UGT2B10: variants seen among roughly 807,000 people sequenced by gnomAD.
The protein encoded by UGT2B10 is UDP-glucuronosyltransferase 2B10.
A neutral mutation model predicts 43.7 loss-of-function variants in UGT2B10; 51 were observed. That is an observed-to-expected ratio of 1.17 (90% CI 0.93 to 1.47). The LOEUF (loss-of-function observed/expected upper bound fraction) is 1.47, where lower values mean the gene tolerates loss of function less well. Ranked by LOEUF, UGT2B10 falls within the 40% of genes most tolerant of loss-of-function variation. The pLI is 0.00. For synonymous variants in UGT2B10, 225 were observed against 209.0 expected (o/e 1.08, Z -0.66); for missense variants, 696 against 617.7 (o/e 1.13, Z -1.34).
In UGT2B10 at chr4:68,822,399, A is replaced by G. The variant is rs782385045; in HGVS notation, c.996A>G (p.Gln332=). The change falls in exon 3 of 6, where the codon CAA becomes CAG. Residue 332 remains glutamine, a synonymous_variant. Coordinates refer to ENST00000265403, the MANE Select transcript of UGT2B10 (RefSeq NM_001075.6). ...VIATALAKIP[Q]KVLWRFDGNK... is the part of the protein sequence containing the mutation. ...CAACAGCCCTTGCCAAGATCCCACA[A>G]AAGGTAAGATAAAGTGCCTTACTGG... The G allele has an allele frequency of 2.5e-6, 4 of 1,613,614 alleles. No individual in the cohort carries two copies. The highest frequency in any genetic ancestry group is 1.1e-5 in the South Asian group (1 of 91,060).
intron 3 of UGT2B10, among the ~76,000 whole-genome samples, 154 bp downstream of exon 3, chr4:68,822,556 T>C (rs1434368985): frequency 6.6e-6 from 1 of 152,108 alleles, no homozygotes. Context: ...ACAGAAGTAA[T>C]AGTTGTGCCT....
intron 3 of UGT2B10, among the ~76,000 whole-genome samples, chr4:68,826,156 T>A (rs578037762): frequency 6.6e-6 from 1 of 152,224 alleles, no homozygotes; most frequent in Non-Finnish European, 1.5e-5. Flanking sequence ...AGTATAAAAA[T>A]TTTCTAAATA....
At chr4:68,819,522 T>G (rs1356316474) in intron 2 of UGT2B10, among the ~76,000 whole-genome samples, 2 of 152,028 alleles carry the variant, frequency 1.3e-5, no homozygotes, top group African/African-American at 4.8e-5. Flanking sequence ...AGGGTTCACA[T>G]GATTTTAATA....
intron 3 of UGT2B10, 56 bp downstream of exon 3, chr4:68,822,458 T>A: frequency 6.2e-7 from 1 of 1,607,530 alleles, no homozygotes; most frequent in Admixed American, 1.7e-5. Flanking sequence ...TGTTAAAGTT[T>A]GTGATCTACA....
intron 5 of UGT2B10, among the ~76,000 whole-genome samples, chr4:68,829,777 TC>T (rs1244869075): frequency 6.6e-6 from 1 of 152,036 alleles, no homozygotes; most frequent in African/African-American, 2.4e-5. Flanking sequence ...AGTAGGCCAA[TC>T]TAGAAGACAG....
At chr4:68,825,705 T>C (rs761874628) in intron 3 of UGT2B10, among the ~76,000 whole-genome samples, 17 of 152,114 alleles carry the variant, frequency 1.1e-4, no homozygotes, top group South Asian at 2.1e-4. Context: ...TTCTGTAGTG[T>C]ATATATACCA....
rs569450157 is a variant in UGT2B10, at chr4:68,830,607, G to A, written c.1315G>A (p.Glu439Lys). ...TTTATTTTTATCCTTCAGATATAAA[G>A]AGAATATTATGAAATTATCAAGAAT... ...KTVINDPSYKENIMKLSRIQH... is the reference protein window; with the variant it reads ...KTVINDPSYKKNIMKLSRIQH... The change falls in exon 6 of 6, where the codon GAG (glutamate) becomes AAG (lysine). Residue 439 changes from glutamate to lysine, a missense_variant. By Grantham distance (56) the Glu-to-Lys change is moderately conservative (BLOSUM62 1). Coordinates refer to ENST00000265403, the MANE Select transcript of UGT2B10 (RefSeq NM_001075.6). 1.2e-6 allele frequency: 2 copies of A among 1,611,584 alleles called. No individual in the cohort carries two copies. Among genetic ancestry groups the A allele is most frequent in the African/African-American group, 1.3e-5 (1 of 74,840 alleles).
At chr4:68,826,376 C>T in intron 3 of UGT2B10, 34 bp from the exon 4 acceptor site, 1 of 1,590,826 alleles carries the variant, frequency 6.3e-7, no homozygotes, top group Non-Finnish European at 8.5e-7. Context: ...TTGAGTTCCA[C>T]TCGTGGAATA....
At position 68,816,375 on chromosome 4, in the gene UGT2B10, A is replaced by T. The variant is rs781580890; in HGVS notation, c.356A>T (p.Asn119Ile). Reference protein sequence around the residue: ...SQEQEILWAINDIIRNFCKDV... With the variant: ...SQEQEILWAIIDIIRNFCKDV... ...GAACAAGAAATCCTGTGGGCAATTA[A>T]TGACATAATTAGAAACTTCTGTAAA... The change falls in exon 1 of 6, where the codon AAT (asparagine) becomes ATT (isoleucine). Residue 119 changes from asparagine (N) to isoleucine (I), a missense_variant. By Grantham distance (149) the Asn-to-Ile change is moderately radical. Coordinates refer to ENST00000265403, the MANE Select transcript of UGT2B10 (RefSeq NM_001075.6). 4 of 1,612,776 alleles carry T rather than the reference A, an allele frequency of 2.5e-6. No individual in the cohort carries two copies. The highest frequency in any genetic ancestry group is 2.2e-5 in the South Asian group (2 of 91,048).
Position 68,830,654 on chromosome 4 carries a change from G to A in UGT2B10, c.1362G>A (p.Lys454=). The A allele has an allele frequency of 6.2e-7, 1 of 1,613,176 alleles. No individual in the cohort carries two copies. Among genetic ancestry groups the A allele is most frequent in the African/African-American group, 1.3e-5 (1 of 74,972 alleles). ...GAATTCAACATGATCAACCAGTGAAGCCCCTGGATCGAGCAGTCTTCTGGA... is the reference window on the plus strand; with the variant it reads ...GAATTCAACATGATCAACCAGTGAAACCCCTGGATCGAGCAGTCTTCTGGA... ...LSRIQHDQPV[K]PLDRAVFWIE... Residue 454 remains lysine, a synonymous_variant, in exon 6 of 6, where the codon AAG becomes AAA. Transcript: ENST00000265403.
rs761246132 is a variant in UGT2B10, at chr4:68,830,758, C to T, written c.1466C>T (p.Ser489Phe). The change falls in exon 6 of 6, where the codon TCT (serine) becomes TTT (phenylalanine). Residue 489 changes from serine to phenylalanine, a missense_variant. By Grantham distance (155) the Ser-to-Phe change is radical (BLOSUM62 -2). Transcript: ENST00000265403. ...AACCTCACCTGGTTCCAGTACCACT[C>T]TTTGGATGTGATTGGGTTCCTGCTG... ...AHNLTWFQYH[S>F]LDVIGFLLAC... is the part of the protein sequence containing the mutation. 2.5e-6 allele frequency: 4 copies of T among 1,613,404 alleles called. No homozygotes were observed. Among genetic ancestry groups the T allele is most frequent in the Non-Finnish European group, 3.4e-6 (4 of 1,179,560 alleles).
chr4:68,818,788 C>T (rs1309728016), intron 2 of UGT2B10, among the ~76,000 whole-genome samples: 1 of 151,606 alleles, frequency 6.6e-6, no homozygotes, highest in Non-Finnish European at 1.5e-5. Context: ...GTTCTCAAGT[C>T]CTCAGGTTTA....
chr4:68,816,972 A>G (rs7685333), intron 1 of UGT2B10, among the ~76,000 whole-genome samples: 10,363 of 151,874 alleles, frequency 0.068, 390 homozygotes, highest in Non-Finnish European at 0.093. Flanking sequence ...TCATAAACCT[A>G]TATATTAGTA....
intron 1 of UGT2B10, among the ~76,000 whole-genome samples, chr4:68,817,811 T>C (rs1345544138): frequency 6.6e-6 from 1 of 151,844 alleles, no homozygotes; most frequent in Admixed American, 6.6e-5. Flanking sequence ...CTTAACCTCA[T>C]AATTCTCCCA....
chr4:68,820,957 C>G (rs561892255), intron 2 of UGT2B10, among the ~76,000 whole-genome samples: 142 of 152,170 alleles, frequency 9.3e-4, no homozygotes, highest in African/African-American at 3.3e-3. Context: ...CATAGAAAAA[C>G]AAGGCTCTGG....
rs569157769 is a variant in UGT2B10, at chr4:68,821,434, T to C, written c.868-837T>C. ...CCTCTGAGACACAACAAAGTGATGA[T>C]GAGAGTTCCTCACATGCAGTTAGAA... is the stretch of plus-strand genomic sequence containing the variant. On this transcript the variant is annotated intron_variant, in intron 2 of 5. Transcript: ENST00000265403. Among the ~76,000 whole-genome samples, 13 of 152,272 alleles carry C rather than the reference T, an allele frequency of 8.5e-5. No individual in the cohort carries two copies. The South Asian group carries it at 2.3e-3, about 27-fold the overall frequency.
chr4:68,828,771 T>C (rs1721105426), intron 5 of UGT2B10, among the ~76,000 whole-genome samples: 1 of 152,022 alleles, frequency 6.6e-6, no homozygotes, highest in Non-Finnish European at 1.5e-5. Flanking sequence ...CTAGAGCATG[T>C]TGAATAGTTA....
At chr4:68,826,587 G>A in intron 4 of UGT2B10, 90 bp downstream of exon 4, 2 of 1,429,120 alleles carry the variant, frequency 1.4e-6, no homozygotes, top group Non-Finnish European at 1.9e-6. Flanking sequence ...TTGAATATTT[G>A]TTATAGGAAA....
chr4:68,830,563 T>TA, intron 5 of UGT2B10, 37 bp from the exon 6 acceptor site: 1 of 1,572,312 alleles, frequency 6.4e-7, no homozygotes, highest in African/African-American at 1.4e-5. Flanking sequence ...CAAATTAACT[T>TA]ACTTTCAGTG....
Sources: gnomAD v4.1 joint callset for allele counts (sites outside exome capture counted in the v4.1 genomes callset) on GRCh38, gnomAD v4.1.1 for gene constraint, MANE v1.5 for transcripts, NCBI Gene and HGNC (gene_info 2026-07-23, HGNC 2026-07-21) for gene names.